Variants in CCDC7 observed in about 807,000 individuals in gnomAD.
CCDC7 encodes coiled-coil domain-containing protein 7.
Under a neutral mutation model 196.9 loss-of-function variants are expected in CCDC7, and 183 were observed. That is an observed-to-expected ratio of 0.93 (90% CI 0.82 to 1.05). The LOEUF (loss-of-function observed/expected upper bound fraction) is 1.05, where lower values mean the gene tolerates loss of function less well. Among genes scored for constraint, CCDC7 ranks in the 50% least tolerant of loss-of-function variants. CCDC7 has a pLI of 0.00. For missense variants in CCDC7, 1,540 were observed against 1,482.2 expected, an observed-to-expected ratio of 1.04 and a Z score of -0.64; for synonymous variants, 525 against 484.6, an observed-to-expected ratio of 1.08 and a Z score of -1.10.
chr10:32,582,403 G>T (rs993307250), intron 16 of CCDC7, among the ~76,000 whole-genome samples: 12 of 151,774 alleles, frequency 7.9e-5, no homozygotes, highest in African/African-American at 2.7e-4. Context: ...GGAAAGCTTT[G>T]TTAAATTTTT....
intron 8 of CCDC7, among the ~76,000 whole-genome samples, chr10:32,484,311 A>G (rs954604299): frequency 7.1e-5 from 10 of 141,588 alleles, no homozygotes; most frequent in African/African-American, 9.9e-5. Flanking sequence ...TGTTATTGGT[A>G]TATAGGAATG....
intron 18 of CCDC7, among the ~76,000 whole-genome samples, chr10:32,631,176 A>G (rs866166584): frequency 9.2e-5 from 14 of 152,146 alleles, no homozygotes; most frequent in African/African-American, 2.9e-4. Context: ...CAATTTATCT[A>G]TATTTTCTTT....
At position 32,861,303 on chromosome 10, in the gene CCDC7, C is replaced by T. The variant is rs192920606; in HGVS notation, c.4111+6814C>T. Among the ~76,000 whole-genome samples the T allele has an allele frequency of 1.8e-3, 278 of 151,946 alleles. 2 individuals carry two copies. Among genetic ancestry groups the T allele is most frequent in the African/African-American group, 6.4e-3 (264 of 41,452 alleles). The stretch of plus-strand genomic sequence containing the variant: ...ACCATCTGATTTTTGACGAACCTGA[C>T]AAAAACAAGCAATGGGGAAAGGATT... On this transcript the variant is annotated intron_variant, in intron 41 of 41. Coordinates refer to ENST00000639629, the Ensembl canonical transcript of CCDC7.
At chr10:32,720,596 G>A (rs1379129680) in intron 25 of CCDC7, among the ~76,000 whole-genome samples, 1 of 151,928 alleles carries the variant, frequency 6.6e-6, no homozygotes. Context: ...AGACAACTGG[G>A]GGCTAAGGGA....
chr10:32,496,567 C>G (rs1010091336), intron 9 of CCDC7, among the ~76,000 whole-genome samples: 2 of 152,160 alleles, frequency 1.3e-5, no homozygotes, highest in Non-Finnish European at 2.9e-5. Context: ...TACTTTCAGT[C>G]AATACCTAGT....
chr10:32,782,632 T>C (rs1592706672), intron 29 of CCDC7, among the ~76,000 whole-genome samples: 1 of 152,236 alleles, frequency 6.6e-6, no homozygotes, highest in Non-Finnish European at 1.5e-5. Context: ...AGGTTATTGT[T>C]GCAAAATAGA....
intron 13 of CCDC7, among the ~76,000 whole-genome samples, chr10:32,561,348 T>C (rs980170363): frequency 1.3e-5 from 2 of 152,154 alleles, no homozygotes; most frequent in African/African-American, 4.8e-5. Context: ...AGGATATACA[T>C]TTTTTTCAGC....
intron 30 of CCDC7, among the ~76,000 whole-genome samples, chr10:32,809,972 C>G (rs141368719): frequency 6.6e-6 from 1 of 151,948 alleles, no homozygotes; most frequent in Non-Finnish European, 1.5e-5. Flanking sequence ...AAACTGGGAA[C>G]GAACTCAAAT....
intron 29 of CCDC7, among the ~76,000 whole-genome samples, chr10:32,804,250 T>C (rs1460748908): frequency 6.6e-6 from 1 of 152,146 alleles, no homozygotes; most frequent in Non-Finnish European, 1.5e-5. Flanking sequence ...TTAATAAATT[T>C]CAGGTATTTT....
chr10:32,861,237 G>A (rs1447439300), intron 41 of CCDC7, among the ~76,000 whole-genome samples: 1 of 151,616 alleles, frequency 6.6e-6, no homozygotes, highest in Non-Finnish European at 1.5e-5. Flanking sequence ...TAGACCAATG[G>A]AACAGAACAA....
At chr10:32,814,762 T>C (rs1473882936) in intron 31 of CCDC7, among the ~76,000 whole-genome samples, 1 of 152,228 alleles carries the variant, frequency 6.6e-6, no homozygotes, top group African/African-American at 2.4e-5. Context: ...TCAGCTGCAA[T>C]AAAGTTATTT....
chr10:32,612,992 G>A (rs1234331280), intron 18 of CCDC7, among the ~76,000 whole-genome samples: 1 of 152,226 alleles, frequency 6.6e-6, no homozygotes, highest in South Asian at 2.1e-4. Flanking sequence ...AGTTGTAGAA[G>A]TAATGGTACT....
intron 5 of CCDC7, 123 bp downstream of exon 6, chr10:32,463,172 C>T: frequency 7.8e-7 from 1 of 1,284,274 alleles, no homozygotes; most frequent in Non-Finnish European, 1.1e-6. Flanking sequence ...TATAAAGTAA[C>T]CTTTTGGTTT....
intron 29 of CCDC7, among the ~76,000 whole-genome samples, chr10:32,796,924 A>G (rs1432082127): frequency 2.0e-5 from 3 of 152,174 alleles, no homozygotes; most frequent in Non-Finnish European, 2.9e-5. Flanking sequence ...TTAAATATAC[A>G]GAATTCTAGG....
At chr10:32,608,963 T>C (rs192235818) in intron 18 of CCDC7, among the ~76,000 whole-genome samples, 383 of 152,334 alleles carry the variant, frequency 2.5e-3, no homozygotes, top group African/African-American at 8.9e-3. Flanking sequence ...TTTTCCATTG[T>C]GGTTTTAGAA....
intron 39 of CCDC7, among the ~76,000 whole-genome samples, chr10:32,850,308 G>A (rs1467316871): frequency 6.6e-6 from 1 of 152,080 alleles, no homozygotes; most frequent in Non-Finnish European, 1.5e-5. Flanking sequence ...GTGGTTTGGT[G>A]GCTAAACTTA....
chr10:32,614,840 T>C (rs924336612), intron 18 of CCDC7, among the ~76,000 whole-genome samples: 1 of 152,208 alleles, frequency 6.6e-6, no homozygotes, highest in Non-Finnish European at 1.5e-5. Context: ...TTTTCCACTC[T>C]GTGTGTCCAT....
intron 41 of CCDC7, among the ~76,000 whole-genome samples, chr10:32,872,981 C>A (rs1441487327): frequency 6.6e-6 from 1 of 152,084 alleles, no homozygotes; most frequent in African/African-American, 2.4e-5. Context: ...TTTTTTCCTT[C>A]ATTTCAACTT....
upstream of CCDC7, among the ~76,000 whole-genome samples, chr10:32,448,301 A>T (rs1026791180): frequency 2.6e-5 from 4 of 151,884 alleles, no homozygotes; most frequent in East Asian, 5.8e-4. Flanking sequence ...CCCCATATAT[A>T]TTATATATTT....
Sources: gnomAD v4.1 joint callset for allele counts (sites outside exome capture counted in the v4.1 genomes callset) on GRCh38, gnomAD v4.1.1 for gene constraint, MANE v1.5 for transcripts, NCBI Gene and HGNC (gene_info 2026-07-23, HGNC 2026-07-21) for gene names.